MTPN: variants seen among roughly 807,000 people sequenced by gnomAD.
The protein encoded by MTPN is myotrophin.
A neutral mutation model predicts 13.5 loss-of-function variants in MTPN; 2 were observed. That is an observed-to-expected ratio of 0.15 (90% confidence interval 0.06 to 0.47). The LOEUF (loss-of-function observed/expected upper bound fraction) is 0.47, where lower values mean the gene tolerates loss of function less well. Among genes scored for constraint, MTPN ranks in the 20% least tolerant of loss-of-function variants. The pLI, the probability that MTPN is intolerant of heterozygous loss-of-function variation, is 0.97. For missense variants in MTPN, 79 were observed against 137.9 expected (o/e 0.57, Z 2.14); for synonymous variants, 46 against 51.7 (o/e 0.89, Z 0.48).
intron 3 of MTPN, among the ~76,000 whole-genome samples, chr7:135,942,542 C>T (rs1317856668): frequency 2.0e-5 from 3 of 152,110 alleles, no homozygotes; most frequent in Non-Finnish European, 4.4e-5. Flanking sequence ...GGGCAAATTT[C>T]CTAAATCATT....
rs779829212 is a variant in MTPN, at chr7:135,951,491, C to A, written c.186+26G>T. ...ATAGCATATTAACAGAAAATTTTTT[C>A]AAGAATGATCACGTCCTCTACGTAC... On this transcript the variant is annotated intron_variant, in intron 2 of 3. Transcript: ENST00000393085. The A allele has an allele frequency of 2.6e-6, 4 of 1,517,706 alleles. No individual in the cohort carries two copies. The South Asian group carries it at 4.8e-5, about 18-fold the overall frequency. The allele number at this position is 1,517,706 out of a possible 1,614,324, so 94.0% of individuals were successfully genotyped here. A position where few individuals can be genotyped will look rare whatever the true frequency, so the allele number is the denominator to read the frequency against.
At chr7:135,931,408 C>CAGGCTGATT (rs1349453014) in intron 3 of MTPN, among the ~76,000 whole-genome samples, 1 of 152,094 alleles carries the variant, frequency 6.6e-6, no homozygotes, top group Non-Finnish European at 1.5e-5. Context: ...CAAGGAAGTA[C>CAGGCTGATT]AGGCTGATTA....
chr7:135,949,050 T>TA (rs1435230058), intron 3 of MTPN, among the ~76,000 whole-genome samples: 1 of 151,882 alleles, frequency 6.6e-6, no homozygotes, highest in African/African-American at 2.4e-5. Flanking sequence ...AGGCCAAAAA[T>TA]AAAAATAAAA....
intron 3 of MTPN, 140 bp from the exon 4 acceptor site, chr7:135,930,152 AAAAC>A (rs1435042518): frequency 2.9e-5 from 18 of 631,288 alleles, no homozygotes; most frequent in South Asian, 4.3e-5. Context: ...CTACTGCAGA[AAAAC>A]AAACAAGTTG....
intron 1 of MTPN, among the ~76,000 whole-genome samples, chr7:135,976,541 C>CT (rs76773574): frequency 0.17 from 25,686 of 152,118 alleles, 2,556 homozygotes; most frequent in East Asian, 0.26. Flanking sequence ...TTTCGGTACT[C>CT]TTTTCACGGT....
At chr7:135,976,743 G>A (rs891351442) in intron 1 of MTPN, among the ~76,000 whole-genome samples, 1 of 152,098 alleles carries the variant, frequency 6.6e-6, no homozygotes, top group African/African-American at 2.4e-5. Context: ...AGAAACTCTG[G>A]ATGAGCCAGA....
chr7:135,951,704 C>G (rs1298274915), intron 1 of MTPN, 74 bp from the exon 2 acceptor site: 1 of 895,536 alleles, frequency 1.1e-6, no homozygotes, highest in Non-Finnish European at 1.7e-6. Flanking sequence ...GCACCTGATA[C>G]TTTTACTTTC....
intron 1 of MTPN, among the ~76,000 whole-genome samples, chr7:135,975,183 G>T (rs1443510276): frequency 6.6e-6 from 1 of 152,084 alleles, no homozygotes; most frequent in East Asian, 1.9e-4. Flanking sequence ...AAACTAATTG[G>T]AAATAAATTA....
chr7:135,976,503 T>G (rs969715009), intron 1 of MTPN, among the ~76,000 whole-genome samples: 2 of 152,144 alleles, frequency 1.3e-5, no homozygotes, highest in African/African-American at 2.4e-5. Flanking sequence ...GAAGTGATAC[T>G]CAGTTTCAGA....
intron 1 of MTPN, among the ~76,000 whole-genome samples, chr7:135,952,620 C>T (rs1799379837): frequency 6.6e-6 from 1 of 152,132 alleles, no homozygotes; most frequent in South Asian, 2.1e-4. Flanking sequence ...TCGCTATTTG[C>T]CCCTTCCCTC....
chr7:135,930,542 T>C (rs1011006809), intron 3 of MTPN, among the ~76,000 whole-genome samples: 3 of 152,186 alleles, frequency 2.0e-5, no homozygotes, highest in African/African-American at 7.2e-5. Context: ...CCCTGCGATA[T>C]TGTAGGGAAA....
intron 1 of MTPN, among the ~76,000 whole-genome samples, chr7:135,975,467 G>A (rs1197272248): frequency 2.0e-5 from 3 of 152,040 alleles, no homozygotes; most frequent in Non-Finnish European, 4.4e-5. Flanking sequence ...CTGTAAAATG[G>A]GACCAATAAT....
In MTPN at chr7:135,966,292, A is replaced by G. The variant is rs7792803; in HGVS notation, c.72+10737T>C. Among the ~76,000 whole-genome samples the G allele has an allele frequency of 3.8e-3, 572 of 152,258 alleles. 5 individuals carry two copies. Among genetic ancestry groups the G allele is most frequent in the African/African-American group, 0.013 (541 of 41,560 alleles). On this transcript the variant is annotated intron_variant, in intron 1 of 3. Coordinates refer to ENST00000393085, the MANE Select transcript of MTPN (RefSeq NM_145808.4). ...AGCCCAGCCCGCCTTGAATGTGCTCAGAACACTTACCTTAGCCTACCATTG... is the reference window on the plus strand; with the variant it reads ...AGCCCAGCCCGCCTTGAATGTGCTCGGAACACTTACCTTAGCCTACCATTG...
At chr7:135,965,840 A>G (rs1799596360) in intron 1 of MTPN, among the ~76,000 whole-genome samples, 1 of 152,170 alleles carries the variant, frequency 6.6e-6, no homozygotes, top group African/African-American at 2.4e-5. Flanking sequence ...GTTAACATAC[A>G]AAGTGGTATA....
intron 1 of MTPN, chr7:135,960,579 T>A (rs1397761130): frequency 1.3e-5 from 2 of 151,886 alleles, no homozygotes; most frequent in Non-Finnish European, 2.9e-5. Flanking sequence ...ATAAAAATCA[T>A]ATAGCAAAAG....
intron 1 of MTPN, among the ~76,000 whole-genome samples, chr7:135,965,916 T>C (rs1290088487): frequency 1.3e-5 from 2 of 152,078 alleles, no homozygotes; most frequent in East Asian, 1.9e-4. Flanking sequence ...TAAATACAAA[T>C]GTAACGAAAC....
chr7:135,936,640 C>T (rs1799118756), intron 3 of MTPN, among the ~76,000 whole-genome samples: 1 of 152,208 alleles, frequency 6.6e-6, no homozygotes, highest in East Asian at 1.9e-4. Context: ...TACTAGCACA[C>T]TATATAACAT....
chr7:135,975,999 G>T (rs571359854), intron 1 of MTPN, among the ~76,000 whole-genome samples: 2 of 152,324 alleles, frequency 1.3e-5, no homozygotes. Flanking sequence ...TTAAAATCTA[G>T]ACTGGGTTCT....
chr7:135,967,895 A>G (rs775339725), intron 1 of MTPN, among the ~76,000 whole-genome samples: 11 of 152,134 alleles, frequency 7.2e-5, no homozygotes, highest in Non-Finnish European at 1.5e-4. Flanking sequence ...TGCAATTCCA[A>G]ATCCCTAAAG....
Sources: gnomAD v4.1 joint callset for allele counts (sites outside exome capture counted in the v4.1 genomes callset) on GRCh38, gnomAD v4.1.1 for gene constraint, MANE v1.5 for transcripts, NCBI Gene and HGNC (gene_info 2026-07-23, HGNC 2026-07-21) for gene names.